Variants in LRFN2 observed in about 807,000 individuals in gnomAD.
The protein encoded by LRFN2 is leucine rich repeat and fibronectin type III domain containing 2.
A neutral mutation model predicts 37.3 loss-of-function variants in LRFN2; 18 were observed. That is an observed-to-expected ratio of 0.48 (90% CI 0.33 to 0.72). The LOEUF is 0.72. Ranked by LOEUF, LRFN2 falls within the 30% of genes least tolerant of loss-of-function variation. The pLI, the probability that LRFN2 is intolerant of heterozygous loss-of-function variation, is 0.02. For missense variants in LRFN2, 1,006 were observed against 1,060.7 expected (o/e 0.95, Z 0.72); for synonymous variants, 556 against 466.6 (o/e 1.19, Z -2.47).
intron 1 of LRFN2, among the ~76,000 whole-genome samples, chr6:40,512,950 C>G (rs1437659100): frequency 6.6e-6 from 1 of 152,212 alleles, no homozygotes; most frequent in Non-Finnish European, 1.5e-5. Flanking sequence ...AGTCTCCTAT[C>G]TTCCAGCTCA....
chr6:40,493,926 G>T (rs1270555633), intron 1 of LRFN2, among the ~76,000 whole-genome samples: 1 of 152,234 alleles, frequency 6.6e-6, no homozygotes, highest in Non-Finnish European at 1.5e-5. Flanking sequence ...GGCCAGGCCA[G>T]TGTGCCTTTC....
intron 1 of LRFN2, chr6:40,517,263 G>C (rs1765906316): frequency 6.6e-6 from 1 of 152,128 alleles, no homozygotes; most frequent in African/African-American, 2.4e-5. Flanking sequence ...GTACCAAGTA[G>C]AAGGAACATT....
intron 1 of LRFN2, among the ~76,000 whole-genome samples, chr6:40,459,535 C>G (rs1004973895): frequency 6.6e-6 from 1 of 152,170 alleles, no homozygotes; most frequent in Non-Finnish European, 1.5e-5. Flanking sequence ...AACACTTCAC[C>G]ATTCCCTGCT....
chr6:40,541,509 C>T (rs1766554470), intron 1 of LRFN2, among the ~76,000 whole-genome samples: 2 of 152,144 alleles, frequency 1.3e-5, no homozygotes, highest in Non-Finnish European at 1.5e-5. Flanking sequence ...TGGGTATTCA[C>T]AAGATCCAGG....
chr6:40,524,676 A>T (rs1766196016), intron 1 of LRFN2, among the ~76,000 whole-genome samples: 1 of 152,166 alleles, frequency 6.6e-6, no homozygotes, highest in South Asian at 2.1e-4. Flanking sequence ...TTTTGTCTTT[A>T]AAGGAACTTG....
chr6:40,538,990 C>A (rs1473451406), intron 1 of LRFN2, among the ~76,000 whole-genome samples: 1 of 152,314 alleles, frequency 6.6e-6, no homozygotes, highest in East Asian at 1.9e-4. Flanking sequence ...TCTTTTCACA[C>A]CCTCATGGGT....
chr6:40,560,991 C>T (rs1766983089), intron 1 of LRFN2, among the ~76,000 whole-genome samples: 1 of 152,198 alleles, frequency 6.6e-6, no homozygotes, highest in South Asian at 2.1e-4. Flanking sequence ...GAGTGTCCAT[C>T]TGTGCTAAGA....
At chr6:40,489,472 C>G (rs189923389) in intron 1 of LRFN2, among the ~76,000 whole-genome samples, 2 of 152,292 alleles carry the variant, frequency 1.3e-5, no homozygotes, top group African/African-American at 4.8e-5. Context: ...CCTCAACCCA[C>G]CTCAGCTTGG....
At chr6:40,527,367 AT>A (rs1264660020) in intron 1 of LRFN2, among the ~76,000 whole-genome samples, 1 of 152,182 alleles carries the variant, frequency 6.6e-6, no homozygotes, top group Admixed American at 6.5e-5. Context: ...GGCTTGGTAG[AT>A]TTTATTTTAT....
chr6:40,563,791 C>G (rs1767042243), intron 1 of LRFN2, among the ~76,000 whole-genome samples: 1 of 152,156 alleles, frequency 6.6e-6, no homozygotes, highest in Non-Finnish European at 1.5e-5. Context: ...CCAGCCCTGT[C>G]ATCAAGGTCT....
intron 1 of LRFN2, among the ~76,000 whole-genome samples, chr6:40,553,821 C>A (rs1200762668): frequency 6.6e-6 from 1 of 152,144 alleles, no homozygotes; most frequent in Non-Finnish European, 1.5e-5. Flanking sequence ...TGAGGTGATG[C>A]CTTACTTATA....
chr6:40,504,687 A>G (rs1561883883), intron 1 of LRFN2, among the ~76,000 whole-genome samples: 1 of 152,176 alleles, frequency 6.6e-6, no homozygotes, highest in Non-Finnish European at 1.5e-5. Flanking sequence ...CCAGCTAGAA[A>G]TCACCTGCTC....
intron 1 of LRFN2, among the ~76,000 whole-genome samples, chr6:40,530,560 C>T (rs1408247398): frequency 6.6e-6 from 1 of 152,062 alleles, no homozygotes; most frequent in African/African-American, 2.4e-5. Context: ...AGTTTGTCCT[C>T]TCTCTGATCA....
At chr6:40,548,780 A>T (rs1766712004) in intron 1 of LRFN2, among the ~76,000 whole-genome samples, 1 of 152,208 alleles carries the variant, frequency 6.6e-6, no homozygotes, top group African/African-American at 2.4e-5. Context: ...CTGCCCTATG[A>T]ACATGCAGCC....
chr6:40,416,156 G>A (rs1223900857), intron 2 of LRFN2, among the ~76,000 whole-genome samples: 3 of 152,194 alleles, frequency 2.0e-5, no homozygotes, highest in African/African-American at 7.2e-5. Flanking sequence ...TTACAGGCAT[G>A]TGCCAGCACG....
intron 1 of LRFN2, among the ~76,000 whole-genome samples, chr6:40,472,725 G>T (rs1018755577): frequency 1.3e-5 from 2 of 152,156 alleles, no homozygotes; most frequent in African/African-American, 4.8e-5. Context: ...CATTTGACAT[G>T]CTGATACCCT....
chr6:40,398,737 A>G (rs1408831391), intron 2 of LRFN2, among the ~76,000 whole-genome samples: 1 of 151,988 alleles, frequency 6.6e-6, no homozygotes, highest in Non-Finnish European at 1.5e-5. Flanking sequence ...TTGAAACTGC[A>G]ACCCCAAGCA....
At chr6:40,521,811 G>A (rs1766076753) in intron 1 of LRFN2, among the ~76,000 whole-genome samples, 1 of 152,120 alleles carries the variant, frequency 6.6e-6, no homozygotes, top group Admixed American at 6.5e-5. Flanking sequence ...GGAGGGGTGG[G>A]AGAAGCTGAA....
At chr6:40,404,569 C>A (rs1382909697) in intron 2 of LRFN2, among the ~76,000 whole-genome samples, 1 of 152,192 alleles carries the variant, frequency 6.6e-6, no homozygotes, top group African/African-American at 2.4e-5. Flanking sequence ...CTGGATTGGA[C>A]AGTGCCACTG....
Sources: allele counts gnomAD v4.1 joint callset (sites outside exome capture counted in the v4.1 genomes callset), GRCh38; gene constraint gnomAD v4.1.1; transcripts MANE v1.5; gene names NCBI Gene and HGNC (gene_info 2026-07-23, HGNC 2026-07-21).